Variants in SNX25 observed in about 807,000 individuals in gnomAD.
SNX25 encodes sorting nexin-25.
Under a neutral mutation model 113.7 loss-of-function variants are expected in SNX25, and 62 were observed. That is an observed-to-expected ratio of 0.55 (90% CI 0.44 to 0.67). SNX25 has a LOEUF of 0.67. Among genes scored for constraint, SNX25 ranks in the 30% least tolerant of loss-of-function variants. The pLI, the probability that SNX25 is intolerant of heterozygous loss-of-function variation, is 0.00. For synonymous variants in SNX25, 421 were observed against 436.2 expected (o/e 0.97, Z 0.43); for missense variants, 1,014 against 1,161.0 (o/e 0.87, Z 1.84).
chr4:185,241,007 C>T (rs1375632198), intron 1 of SNX25, among the ~76,000 whole-genome samples: 2 of 149,712 alleles, frequency 1.3e-5, no homozygotes, highest in African/African-American at 2.5e-5. Flanking sequence ...GGCAGCCAGG[C>T]AGAGAGGCTC....
At chr4:185,272,562 A>C (rs540335953) in intron 5 of SNX25, among the ~76,000 whole-genome samples, 57 of 152,188 alleles carry the variant, frequency 3.7e-4, no homozygotes, top group Admixed American at 1.6e-3. Flanking sequence ...AGGAATTTTT[A>C]TGTAATTGGT....
At chr4:185,374,188 G>C (rs1472051326), downstream of SNX25, 3 of 1,614,076 alleles carry the variant, frequency 1.9e-6, no homozygotes, top group Non-Finnish European at 2.5e-6. Context: ...AGCATACTTT[G>C]AGCCTTCACA....
chr4:185,268,156 T>C (rs995173810), intron 5 of SNX25, among the ~76,000 whole-genome samples: 8 of 152,198 alleles, frequency 5.3e-5, no homozygotes, highest in Admixed American at 6.5e-5. Flanking sequence ...CGGGAGTACC[T>C]GCTTAGCTGC....
rs555627252 is a variant in SNX25 at position 185,239,938 on chromosome 4, G to T, written c.430-7356G>T. On this transcript the variant is annotated intron_variant, in intron 1 of 18. Transcript: ENST00000652585. Reference sequence around the variant, plus strand: ...GCCTTCCGCAGTGTTTGTGTCCCTGGGTACTTGAGATTAGGGAGTGGTGAT... The same window carrying T: ...GCCTTCCGCAGTGTTTGTGTCCCTGTGTACTTGAGATTAGGGAGTGGTGAT... Among the ~76,000 whole-genome samples the T allele has an allele frequency of 4.0e-5, 6 of 149,996 alleles. No individual in the cohort carries two copies. In the South Asian group the frequency reaches 1.3e-3, roughly 33 times the overall value.
upstream of SNX25, among the ~76,000 whole-genome samples, chr4:185,205,557 C>T (rs764519902): frequency 3.3e-5 from 5 of 152,120 alleles, no homozygotes; most frequent in African/African-American, 4.8e-5. Flanking sequence ...TGGCCCGGCG[C>T]GGTGGCTCAC....
At chr4:185,335,380 A>G (rs941830244) in intron 10 of SNX25, among the ~76,000 whole-genome samples, 1 of 152,018 alleles carries the variant, frequency 6.6e-6, no homozygotes, top group African/African-American at 2.4e-5. Context: ...AAACCTTAAG[A>G]TTGATGTTGA....
chr4:185,343,994 G>A (rs1443474479), intron 12 of SNX25, among the ~76,000 whole-genome samples: 1 of 152,132 alleles, frequency 6.6e-6, no homozygotes, highest in African/African-American at 2.4e-5. Context: ...CGAAGTGGGC[G>A]GGTCCCTTGA....
chr4:185,346,186 A>G (rs184883885), intron 12 of SNX25, among the ~76,000 whole-genome samples: 4 of 152,286 alleles, frequency 2.6e-5, no homozygotes, highest in Non-Finnish European at 4.4e-5. Context: ...TTAGCTTTTT[A>G]CAGAGATGTT....
At chr4:185,281,875 G>A (rs1175991754) in intron 5 of SNX25, among the ~76,000 whole-genome samples, 1 of 152,028 alleles carries the variant, frequency 6.6e-6, no homozygotes, top group South Asian at 2.1e-4. Context: ...AATTAGCCGG[G>A]TATGGTCGTG....
chr4:185,378,121 A>G, the SNX25 span: 1 of 1,613,960 alleles, frequency 6.2e-7, no homozygotes. Context: ...TTTGGTTTTT[A>G]GCAGCATACT....
At chr4:185,275,676 T>C (rs753629417) in intron 5 of SNX25, among the ~76,000 whole-genome samples, 1 of 152,206 alleles carries the variant, frequency 6.6e-6, no homozygotes, top group Admixed American at 6.5e-5. Flanking sequence ...TGAAAATACA[T>C]TGTGACTCAT....
intron 1 of SNX25, among the ~76,000 whole-genome samples, chr4:185,228,960 G>C (rs1741414824): frequency 6.6e-6 from 1 of 152,188 alleles, no homozygotes; most frequent in Admixed American, 6.5e-5. Flanking sequence ...GGCTTTCTTT[G>C]ACAGGAGAGC....
chr4:185,345,458 T>C (rs2095281085), intron 12 of SNX25, among the ~76,000 whole-genome samples: 1 of 152,184 alleles, frequency 6.6e-6, no homozygotes, highest in Non-Finnish European at 1.5e-5. Context: ...GTACTATGAA[T>C]ATATTTTGTT....
chr4:185,373,128 A>G (rs367908725), downstream of SNX25: 15 of 1,497,254 alleles, frequency 1.0e-5, no homozygotes, highest in African/African-American at 2.1e-4. Context: ...ACTAGATGAA[A>G]TTATAAGGGA....
At chr4:185,332,303 C>T (rs1032543200) in intron 9 of SNX25, among the ~76,000 whole-genome samples, 26 of 152,152 alleles carry the variant, frequency 1.7e-4, no homozygotes, top group Non-Finnish European at 7.3e-5. Flanking sequence ...GAGTTGCCGT[C>T]CCTTGTTCTA....
Position 185,363,408 on chromosome 4 carries a change from T to G in SNX25, c.2958T>G (p.Ile986Met), listed in dbSNP as rs371574244. ...LLYALMELLL[I>M]ELCPELRVHL... ...AGGCGCTGATGGAACTGCTGCTAAT[T>G]GAACTGTGTCCTGAGCTGAGAGTTC... Residue 986 changes from isoleucine (I) to methionine (M), a missense_variant, in exon 19 of 19, where the codon ATT becomes ATG. Physicochemically the swap from Ile to Met is conservative, Grantham distance 10. Coordinates refer to ENST00000652585, the MANE Select transcript of SNX25 (RefSeq NM_001378034.2). This position sits in a 1 kb window ranked among gnomAD's most constrained non-coding sequence, Gnocchi z 4.2. The G allele has an allele frequency of 6.2e-6, 10 of 1,614,050 alleles. 1 individual carries two copies. The East Asian group carries it at 1.1e-4, about 18-fold the overall frequency.
intron 6 of SNX25, among the ~76,000 whole-genome samples, chr4:185,297,723 C>T (rs1044035069): frequency 6.6e-6 from 1 of 152,180 alleles, no homozygotes; most frequent in African/African-American, 2.4e-5. Flanking sequence ...GCTATATCCT[C>T]ACGTGGTAGG....
chr4:185,369,903 G>T, exon 12 of SNX25: 1 of 316,430 alleles, frequency 3.2e-6, no homozygotes. Context: ...GTCAGCCAAG[G>T]GACTCAGAAG....
intron 10 of SNX25, among the ~76,000 whole-genome samples, chr4:185,336,780 G>T (rs1261851077): frequency 6.6e-6 from 1 of 152,016 alleles, no homozygotes; most frequent in Non-Finnish European, 1.5e-5. Context: ...TCCCACCAAC[G>T]GTGTAAAAAT....
Sources: gnomAD v4.1 joint callset for allele counts (sites outside exome capture counted in the v4.1 genomes callset) on GRCh38, gnomAD v4.1.1 for gene constraint, Gnocchi (gnomAD v3.1) non-coding constraint, MANE v1.5 for transcripts, NCBI Gene and HGNC (gene_info 2026-07-23, HGNC 2026-07-21) for gene names.